CAST: variants seen among roughly 807,000 people sequenced by gnomAD.
CAST encodes the protein MIR583 host.
In CAST, 76 loss-of-function variants were observed where a neutral mutation model predicts 119.6. The ratio of observed to expected loss-of-function variants is 0.64; its 90% confidence interval spans 0.53 to 0.77. The LOEUF (loss-of-function observed/expected upper bound fraction) is 0.77, where lower values mean the gene tolerates loss of function less well. CAST is among the 30% of genes least tolerant of loss of function. The pLI is 0.00. For missense variants in CAST, 953 were observed against 946.5 expected (o/e 1.01, Z -0.09); for synonymous variants, 319 against 331.6 (o/e 0.96, Z 0.41).
At chr5:96,490,907 A>G in the CAST span, among the ~76,000 whole-genome samples, 1 of 152,148 alleles carries the variant, frequency 6.6e-6, no homozygotes, top group Admixed American at 6.5e-5. Flanking sequence ...TTTATCTAAA[A>G]AACAAAACAA....
the CAST span, among the ~76,000 whole-genome samples, chr5:96,139,545 T>G: frequency 1.2e-5 from 1 of 84,338 alleles, no homozygotes; most frequent in Non-Finnish European, 2.5e-5. Flanking sequence ...TATATATGTA[T>G]ATGTATATAT....
At chr5:96,298,961 C>T in the CAST span, among the ~76,000 whole-genome samples, 1 of 151,408 alleles carries the variant, frequency 6.6e-6, no homozygotes, top group Non-Finnish European at 1.5e-5. Flanking sequence ...TTAACTGGGC[C>T]AGGAGCAGTG....
At chr5:95,987,620 T>G in the CAST span, among the ~76,000 whole-genome samples, 1 of 152,148 alleles carries the variant, frequency 6.6e-6, no homozygotes, top group African/African-American at 2.4e-5. Context: ...TATCCAGAAT[T>G]TACTACTTAT....
At chr5:96,476,281 AT>A in the CAST span, among the ~76,000 whole-genome samples, 37 of 152,108 alleles carry the variant, frequency 2.4e-4, no homozygotes, top group Non-Finnish European at 5.1e-4. Context: ...ATTTTTATTG[AT>A]TTTTTTCATA....
intron 1 of CAST, among the ~76,000 whole-genome samples, chr5:96,540,087 C>A (rs1219654742): frequency 6.6e-6 from 1 of 152,026 alleles, no homozygotes; most frequent in Non-Finnish European, 1.5e-5. Context: ...AATATATTCC[C>A]ATTTCTCCCC....
the CAST span, among the ~76,000 whole-genome samples, chr5:96,001,152 T>G: frequency 6.6e-6 from 1 of 152,220 alleles, no homozygotes; most frequent in Non-Finnish European, 1.5e-5. Context: ...ATGTTCTCTT[T>G]ATTCATTAAG....
upstream of CAST, among the ~76,000 whole-genome samples, chr5:96,520,325 T>G (rs1385390791): frequency 6.6e-6 from 1 of 152,262 alleles, no homozygotes; most frequent in Non-Finnish European, 1.5e-5. Flanking sequence ...GAATGGAGAA[T>G]GTGCTCTGTC....
chr5:96,559,428 G>A (rs1746311995), intron 1 of CAST, among the ~76,000 whole-genome samples: 1 of 152,192 alleles, frequency 6.6e-6, no homozygotes, highest in African/African-American at 2.4e-5. Context: ...GTCCCTGTTT[G>A]CAGATGACAT....
chr5:95,963,757 C>T, the CAST span, among the ~76,000 whole-genome samples: 1 of 128,792 alleles, frequency 7.8e-6, no homozygotes, highest in South Asian at 2.5e-4. Context: ...TAGTAAAGGA[C>T]TGAGCACATA....
chr5:96,237,306 A>G, the CAST span, among the ~76,000 whole-genome samples: 1 of 152,156 alleles, frequency 6.6e-6, no homozygotes, highest in Admixed American at 6.5e-5. Context: ...TGGTGTTAGT[A>G]TCATGTGATT....
chr5:96,024,005 A>G, the CAST span, among the ~76,000 whole-genome samples: 8 of 152,210 alleles, frequency 5.3e-5, no homozygotes, highest in East Asian at 1.3e-3. Flanking sequence ...AAGTTCAGCC[A>G]AGAAATGAAT....
chr5:96,123,617 C>T, the CAST span, among the ~76,000 whole-genome samples: 1 of 152,242 alleles, frequency 6.6e-6, no homozygotes, highest in Admixed American at 6.5e-5. Context: ...GATAGATTAG[C>T]AAAACAGTTG....
intron 1 of CAST, among the ~76,000 whole-genome samples, chr5:96,633,775 G>A (rs1033319447): frequency 1.2e-4 from 19 of 152,220 alleles, no homozygotes; most frequent in African/African-American, 4.1e-4. Flanking sequence ...CTAGCTAGAG[G>A]GAAAAGATGG....
the CAST span, among the ~76,000 whole-genome samples, chr5:96,436,720 TACAC>T: frequency 1.3e-5 from 2 of 152,082 alleles, no homozygotes; most frequent in Non-Finnish European, 2.9e-5. Flanking sequence ...AATTGGAAAA[TACAC>T]ACACCTTTTA....
chr5:96,395,177 T>C, the CAST span: 40 of 695,722 alleles, frequency 5.7e-5, no homozygotes, highest in Non-Finnish European at 9.0e-5. Flanking sequence ...ACTCTTGCTA[T>C]AAAAATTGAC....
chr5:96,171,105 C>T, the CAST span, among the ~76,000 whole-genome samples: 1 of 152,082 alleles, frequency 6.6e-6, no homozygotes, highest in Non-Finnish European at 1.5e-5. Flanking sequence ...GGAACAGAGA[C>T]TAGGGAGGGA....
At chr5:96,551,002 T>C (rs1372541543) in intron 1 of CAST, among the ~76,000 whole-genome samples, 1 of 152,180 alleles carries the variant, frequency 6.6e-6, no homozygotes. Context: ...TTCAGGATAT[T>C]ATCCAGGAAA....
At chr5:96,312,515 C>G in the CAST span, among the ~76,000 whole-genome samples, 3 of 152,046 alleles carry the variant, frequency 2.0e-5, no homozygotes, top group African/African-American at 7.2e-5. Context: ...AACACCAAGG[C>G]TGTCAAAACA....
the CAST span, among the ~76,000 whole-genome samples, chr5:96,373,869 C>T: frequency 1.3e-5 from 2 of 152,076 alleles, no homozygotes; most frequent in African/African-American, 2.4e-5. Context: ...AGCTCAGCCT[C>T]CAAAGTAGCT....
Sources: gnomAD v4.1 joint callset for allele counts (sites outside exome capture counted in the v4.1 genomes callset) on GRCh38, gnomAD v4.1.1 for gene constraint, MANE v1.5 for transcripts, NCBI Gene and HGNC (gene_info 2026-07-23, HGNC 2026-07-21) for gene names.